JPH3: variants seen among roughly 807,000 people sequenced by gnomAD.
The protein encoded by JPH3 is junctophilin-3.
A neutral mutation model predicts 59.6 loss-of-function variants in JPH3; 11 were observed. That is an observed-to-expected ratio of 0.18 (90% CI 0.12 to 0.31). JPH3 has a LOEUF of 0.31. Among genes scored for constraint, JPH3 ranks in the 10% least tolerant of loss-of-function variants. The probability of loss-of-function intolerance (pLI) is 1.00; values close to 1 mark genes in which losing one functional copy is unlikely to be tolerated. For synonymous variants in JPH3, 673 were observed against 483.6 expected, an observed-to-expected ratio of 1.39 and a Z score of -5.14; for missense variants, 1,202 against 1,105.7, an observed-to-expected ratio of 1.09 and a Z score of -1.24.
intron 2 of JPH3, among the ~76,000 whole-genome samples, chr16:87,661,136 G>T (rs779619038): frequency 6.6e-6 from 1 of 152,184 alleles, no homozygotes; most frequent in Non-Finnish European, 1.5e-5. Flanking sequence ...GGCCGCCTGC[G>T]TTCCTTGGCT....
At chr16:87,609,922 T>C (rs560526394) in intron 1 of JPH3, among the ~76,000 whole-genome samples, 1 of 152,350 alleles carries the variant, frequency 6.6e-6, no homozygotes, top group South Asian at 2.1e-4. Flanking sequence ...TACATTGTAA[T>C]ATATAGTGAA....
At chr16:87,691,556 T>C (rs1052424134) in intron 4 of JPH3, among the ~76,000 whole-genome samples, 1 of 152,114 alleles carries the variant, frequency 6.6e-6, no homozygotes, top group Non-Finnish European at 1.5e-5. Context: ...GGTCGGTGTC[T>C]GTCCCTGCCC....
At position 87,684,473 on chromosome 16, in the gene JPH3, T is replaced by C. The variant is rs1597289433; in HGVS notation, c.1285+207T>C. On this transcript the variant is annotated intron_variant, in intron 3 of 4. Transcript: ENST00000284262. ...GGCTCCCCGGGACACAGGACATGTG[T>C]CTTGGCAGGTCTCTCCCATTCCCAC... 29 of 686,988 alleles carry C rather than the reference T, an allele frequency of 4.2e-5. No individual in the cohort carries two copies. In the East Asian group the frequency reaches 8.1e-4, roughly 19 times the overall value. The allele number at this position is 686,988 out of a possible 1,614,324, so 42.6% of individuals were successfully genotyped here. A position where few individuals can be genotyped will look rare whatever the true frequency, so the allele number is the denominator to read the frequency against.
chr16:87,692,438 A>G (rs1008930358), intron 4 of JPH3, among the ~76,000 whole-genome samples: 2 of 152,198 alleles, frequency 1.3e-5, no homozygotes, highest in Non-Finnish European at 2.9e-5. Context: ...ACAGGGGTAC[A>G]GCTCTCTGCA....
intron 1 of JPH3, among the ~76,000 whole-genome samples, chr16:87,621,277 CTG>C (rs1227386161): frequency 2.6e-5 from 4 of 152,266 alleles, no homozygotes; most frequent in Non-Finnish European, 5.9e-5. Context: ...CCCATCTGCT[CTG>C]TGTCGGGAGG....
intron 2 of JPH3, among the ~76,000 whole-genome samples, chr16:87,657,179 T>C (rs76358083): frequency 6.6e-6 from 1 of 152,246 alleles, no homozygotes; most frequent in East Asian, 1.9e-4. Context: ...GCCCTGCTTC[T>C]CAAGCAACAG....
chr16:87,604,227 C>T (rs2030396706), intron 1 of JPH3: 3 of 1,441,718 alleles, frequency 2.1e-6, no homozygotes, highest in Admixed American at 2.1e-5. Context: ...TCGATCTGTG[C>T]CTTCATTCTA....
At chr16:87,667,635 C>T (rs557880333) in intron 2 of JPH3, among the ~76,000 whole-genome samples, 1 of 152,298 alleles carries the variant, frequency 6.6e-6, no homozygotes, top group South Asian at 2.1e-4. Context: ...AGCGGGGGGT[C>T]TTGGGCAACG....
chr16:87,674,386 A>T (rs1321914935), intron 2 of JPH3, among the ~76,000 whole-genome samples: 1 of 152,256 alleles, frequency 6.6e-6, no homozygotes. Context: ...TGGTGGGCCA[A>T]CACTTGTGTC....
At chr16:87,687,984 C>T (rs985509906) in intron 3 of JPH3, among the ~76,000 whole-genome samples, 7 of 152,196 alleles carry the variant, frequency 4.6e-5, no homozygotes, top group South Asian at 4.1e-4. Context: ...TTGGGGGCCT[C>T]TGATGGGGCC....
At chr16:87,618,281 T>G (rs2031046904) in intron 1 of JPH3, among the ~76,000 whole-genome samples, 1 of 151,980 alleles carries the variant, frequency 6.6e-6, no homozygotes, top group African/African-American at 2.4e-5. Context: ...GCCCCAGGAC[T>G]CGAGAAGTGG....
At chr16:87,608,729 C>T (rs1285113691) in intron 1 of JPH3, among the ~76,000 whole-genome samples, 4 of 152,190 alleles carry the variant, frequency 2.6e-5, no homozygotes, top group Admixed American at 6.5e-5. Flanking sequence ...CCAGCACACT[C>T]AACCACCAGA....
Position 87,644,127 on chromosome 16 carries a change from G to T in JPH3, c.383-131G>T, listed in dbSNP as rs182515762. 23 of 976,442 alleles carry T rather than the reference G, an allele frequency of 2.4e-5. No homozygotes were observed. The Admixed American group carries it at 5.8e-4, about 24-fold the overall frequency. 60.5% of individuals were successfully genotyped at this position (976,442 alleles called of 1,614,324 possible). On this transcript the variant is annotated intron_variant, in intron 1 of 4. Transcript: ENST00000284262. The stretch of plus-strand genomic sequence containing the variant: ...CACTCCAGCCTGGGCAACACAGCGA[G>T]AACCTGTCTCAAAAAACACAAAACA...
chr16:87,603,629 G>A, intron 1 of JPH3, 101 bp downstream of exon 1: 1 of 1,391,514 alleles, frequency 7.2e-7, no homozygotes, highest in Non-Finnish European at 9.6e-7. Flanking sequence ...TCCTCCGGTT[G>A]GGCCGTGGGC....
At chr16:87,637,128 A>C (rs570448264) in intron 1 of JPH3, among the ~76,000 whole-genome samples, 19 of 152,286 alleles carry the variant, frequency 1.2e-4, no homozygotes, top group Non-Finnish European at 2.5e-4. Flanking sequence ...GAAATCTTAC[A>C]TCTGTATTTT....
intron 2 of JPH3, among the ~76,000 whole-genome samples, chr16:87,646,050 G>A (rs1421567488): frequency 6.6e-6 from 1 of 152,198 alleles, no homozygotes; most frequent in Admixed American, 6.5e-5. Flanking sequence ...TGGGAGCTGC[G>A]GGGGAGTCCA....
At chr16:87,683,025 C>T (rs1440214975) in intron 2 of JPH3, among the ~76,000 whole-genome samples, 4 of 152,356 alleles carry the variant, frequency 2.6e-5, no homozygotes, top group South Asian at 2.1e-4. Context: ...GTGACGTGCC[C>T]GGCTGCCCAC....
chr16:87,662,766 A>AG (rs1383710655), intron 2 of JPH3, among the ~76,000 whole-genome samples: 2 of 152,296 alleles, frequency 1.3e-5, no homozygotes, highest in East Asian at 3.9e-4. Flanking sequence ...GACCCTCCTC[A>AG]GCCCCCACGC....
intron 1 of JPH3, chr16:87,604,328 T>C: frequency 6.8e-7 from 1 of 1,467,590 alleles, no homozygotes; most frequent in South Asian, 1.2e-5. Context: ...CTGCTGCTGC[T>C]GTAAGATGGT....
Sources: allele counts gnomAD v4.1 joint callset (sites outside exome capture counted in the v4.1 genomes callset), GRCh38; gene constraint gnomAD v4.1.1; transcripts MANE v1.5; gene names NCBI Gene and HGNC (gene_info 2026-07-23, HGNC 2026-07-21).